Variants in BTBD3 observed in about 807,000 individuals in gnomAD.
BTBD3 encodes the protein BTB domain containing 3.
A neutral mutation model predicts 41.6 loss-of-function variants in BTBD3; 14 were observed. That is an observed-to-expected ratio of 0.34 (90% CI 0.22 to 0.53). The LOEUF (loss-of-function observed/expected upper bound fraction) is 0.53. Among genes scored for constraint, BTBD3 ranks in the 20% least tolerant of loss-of-function variants. The probability of loss-of-function intolerance (pLI) is 0.95; values close to 1 mark genes in which losing one functional copy is unlikely to be tolerated. For synonymous variants in BTBD3, 249 were observed against 233.7 expected, an observed-to-expected ratio of 1.07 and a Z score of -0.60; for missense variants, 426 against 654.7, an observed-to-expected ratio of 0.65 and a Z score of 3.81.
At chr20:11,911,886 G>A (rs1284976415) in intron 1 of BTBD3, among the ~76,000 whole-genome samples, 1 of 152,080 alleles carries the variant, frequency 6.6e-6, no homozygotes, top group Non-Finnish European at 1.5e-5. Flanking sequence ...TCCAAACAAG[G>A]TGCACACTGA....
Position 11,890,859 on chromosome 20 carries a change from G to T in BTBD3, c.-221G>T, listed in dbSNP as rs546658025. 4 of 985,128 alleles carry T rather than the reference G, an allele frequency of 4.1e-6. No individual in the cohort carries two copies. The African/African-American group carries it at 5.2e-5, about 13-fold the overall frequency. 61.0% of individuals were successfully genotyped at this position (985,128 alleles called of 1,614,324 possible). A position where few individuals can be genotyped will look rare whatever the true frequency, so the allele number is the denominator to read the frequency against. On this transcript the variant is annotated 5_prime_UTR_variant, in exon 1 of 5. Transcript: ENST00000254977. ...CGGGTGCCCGCCGAGCCCGCCGGGCGCTGGATCTCCGAGTGCCCCGGCCGG... is the reference window on the plus strand; with the variant it reads ...CGGGTGCCCGCCGAGCCCGCCGGGCTCTGGATCTCCGAGTGCCCCGGCCGG...
At chr20:11,919,331 C>A in intron 2 of BTBD3, 155 bp downstream of exon 2, 2 of 1,384,532 alleles carry the variant, frequency 1.4e-6, no homozygotes, top group Non-Finnish European at 1.9e-6. Flanking sequence ...AGGGCTTTGG[C>A]CACGCTTAAT....
intron 1 of BTBD3, among the ~76,000 whole-genome samples, chr20:11,907,091 G>T (rs997327877): frequency 6.6e-6 from 1 of 152,164 alleles, no homozygotes; most frequent in Non-Finnish European, 1.5e-5. Context: ...GATAAAGGCA[G>T]CTTTGTCCTG....
intron 1 of BTBD3, among the ~76,000 whole-genome samples, chr20:11,910,913 G>T (rs548399050): frequency 6.6e-6 from 1 of 152,296 alleles, no homozygotes; most frequent in South Asian, 2.1e-4. Context: ...TCTCAATTGA[G>T]AATTGTGATT....
chr20:11,905,818 T>C (rs1315839901), intron 1 of BTBD3, among the ~76,000 whole-genome samples: 1 of 152,226 alleles, frequency 6.6e-6, no homozygotes, highest in Non-Finnish European at 1.5e-5. Context: ...ATCCCTTCCA[T>C]TGTGGCCTTT....
chr20:11,919,703 T>A lies in BTBD3; in HGVS notation c.418-15T>A, dbSNP rs1568615544. ...TCAATTTAGTGTATGAAATAAGATT[T>A]CCCTTTCTACACAGTATGTTTTAGC... On this transcript the variant is annotated splice_polypyrimidine_tract_variant and intron_variant, in intron 2 of 3. Transcript: ENST00000378226. 2 of 1,609,866 alleles carry A rather than the reference T, an allele frequency of 1.2e-6. No individual in the cohort carries two copies. Among genetic ancestry groups the A allele is most frequent in the Admixed American group, 3.3e-5 (2 of 59,942 alleles).
At chr20:11,900,730 C>CA (rs2056818963) in intron 1 of BTBD3, among the ~76,000 whole-genome samples, 1 of 129,184 alleles carries the variant, frequency 7.7e-6, no homozygotes, top group African/African-American at 3.0e-5. Context: ...TTTTTTGAGA[C>CA]AGAGTGTGGC....
At chr20:11,895,404 C>T (rs1017039981) in intron 1 of BTBD3, among the ~76,000 whole-genome samples, 6 of 152,190 alleles carry the variant, frequency 3.9e-5, no homozygotes, top group African/African-American at 1.2e-4. Context: ...TCATCTGCCT[C>T]TTCTTCCCCC....
rs559609582 is a variant in BTBD3, at chr20:11,907,712, C to T, written c.-125-10622C>T. ...AGGATGGGTGGGTAGGCTTTTTATA[C>T]GTAGGGTTGTACAGAAGAAAGGGCA... On this transcript the variant is annotated intron_variant, in intron 1 of 4. Coordinates refer to the BTBD3 transcript ENST00000254977. 3.9e-5 allele frequency among the ~76,000 whole-genome samples: 6 copies of T among 152,212 alleles called. No individual in the cohort carries two copies. The East Asian group carries it at 1.2e-3, about 29-fold the overall frequency.
chr20:11,913,060 T>C (rs968147118), upstream of BTBD3, among the ~76,000 whole-genome samples: 7 of 152,204 alleles, frequency 4.6e-5, no homozygotes, highest in Non-Finnish European at 8.8e-5. Flanking sequence ...CTTACCAGAT[T>C]AAACTACTCT....
chr20:11,912,048 A>C (rs939728206), intron 1 of BTBD3, among the ~76,000 whole-genome samples: 1 of 152,144 alleles, frequency 6.6e-6, no homozygotes, highest in South Asian at 2.1e-4. Context: ...CCAAATCTAA[A>C]GTACAATTCA....
At chr20:11,909,011 G>A (rs927783736) in intron 1 of BTBD3, among the ~76,000 whole-genome samples, 5 of 152,106 alleles carry the variant, frequency 3.3e-5, no homozygotes, top group African/African-American at 1.2e-4. Flanking sequence ...ACTTTGGGAG[G>A]CCTAGGCGGG....
chr20:11,925,830 G>A lies in BTBD3; in HGVS notation c.*2164G>A, dbSNP rs1323592688. 5.9e-5 allele frequency: 9 copies of A among 152,732 alleles called. No individual in the cohort carries two copies. The East Asian group carries it at 1.7e-3, about 29-fold the overall frequency. The allele number at this position is 152,732 out of a possible 1,614,324, so 9.5% of individuals were successfully genotyped here. On this transcript the variant is annotated 3_prime_UTR_variant, in exon 4 of 4. Coordinates refer to ENST00000378226, the MANE Select transcript of BTBD3 (RefSeq NM_014962.4). Reference sequence around the variant, plus strand: ...ACTAACGCTCACTGTCAGTGCCCATGTTTGCTAGCTGCCTCCATGTGACTA... The same window carrying A: ...ACTAACGCTCACTGTCAGTGCCCATATTTGCTAGCTGCCTCCATGTGACTA...
chr20:11,915,991 G>A (rs1186474902), upstream of BTBD3, among the ~76,000 whole-genome samples: 2 of 152,110 alleles, frequency 1.3e-5, no homozygotes, highest in Non-Finnish European at 2.9e-5. Context: ...TGCAAAATGA[G>A]TAAAGATCAC....
intron 1 of BTBD3, among the ~76,000 whole-genome samples, chr20:11,894,507 C>T (rs2056774578): frequency 6.6e-6 from 1 of 151,924 alleles, no homozygotes; most frequent in Non-Finnish European, 1.5e-5. Flanking sequence ...AATTGATCAT[C>T]TGTTTTTTTT....
At chr20:11,905,938 T>C (rs1449313812) in intron 1 of BTBD3, among the ~76,000 whole-genome samples, 1 of 152,204 alleles carries the variant, frequency 6.6e-6, no homozygotes, top group Non-Finnish European at 1.5e-5. Flanking sequence ...AAAGGCTTCA[T>C]ACTTTTAAGT....
At chr20:11,906,515 A>G (rs531223209) in intron 1 of BTBD3, among the ~76,000 whole-genome samples, 68 of 151,982 alleles carry the variant, frequency 4.5e-4, no homozygotes, top group Non-Finnish European at 9.4e-4. Context: ...CCACCCAGCT[A>G]GGCCTCCCAA....
At chr20:11,894,605 C>G (rs1018347078) in intron 1 of BTBD3, among the ~76,000 whole-genome samples, 1 of 151,512 alleles carries the variant, frequency 6.6e-6, no homozygotes, top group Non-Finnish European at 1.5e-5. Context: ...CCCGTTTTAT[C>G]TAAAGAAGAT....
intron 1 of BTBD3, 49 bp downstream of exon 1, chr20:11,918,650 G>T (rs1245451945): frequency 6.6e-7 from 1 of 1,511,472 alleles, no homozygotes. Context: ...CTGTGTTGAA[G>T]TTTCTGCTTT....
Sources: allele counts gnomAD v4.1 joint callset (sites outside exome capture counted in the v4.1 genomes callset), GRCh38; gene constraint gnomAD v4.1.1; transcripts MANE v1.5; gene names NCBI Gene and HGNC (gene_info 2026-07-23, HGNC 2026-07-21).